Variants in STEAP1B observed in about 807,000 individuals in gnomAD.
STEAP1B encodes STEAP family member 1B, also known as STEAP family protein MGC87042.
In STEAP1B, 13 loss-of-function variants were observed where a neutral mutation model predicts 27.9. The ratio of observed to expected loss-of-function variants is 0.47; its 90% CI spans 0.30 to 0.74. The LOEUF is 0.74. Among genes scored for constraint, STEAP1B ranks in the 30% least tolerant of loss-of-function variants. The probability of loss-of-function intolerance (pLI) is 0.06; values close to 1 mark genes in which losing one functional copy is unlikely to be tolerated. For missense variants in STEAP1B, 250 were observed against 298.7 expected (o/e 0.84, Z 1.20); for synonymous variants, 86 against 107.1 (o/e 0.80, Z 1.22).
intron 4 of STEAP1B, among the ~76,000 whole-genome samples, chr7:22,462,437 T>C (rs28549826): frequency 0.016 from 2,025 of 126,186 alleles, 72 homozygotes; most frequent in African/African-American, 0.059. Context: ...TGTGTCCATG[T>C]GTTCTCATTG....
chr7:22,481,584 T>A (rs1423936174), intron 4 of STEAP1B, among the ~76,000 whole-genome samples: 1 of 152,210 alleles, frequency 6.6e-6, no homozygotes, highest in Non-Finnish European at 1.5e-5. Flanking sequence ...ACAAGATCCC[T>A]GCGTTGGTTT....
chr7:22,429,464 T>C (rs1239650455), intron 4 of STEAP1B, among the ~76,000 whole-genome samples: 1 of 152,196 alleles, frequency 6.6e-6, no homozygotes, highest in African/African-American at 2.4e-5. Context: ...CCACAGGTAA[T>C]AGGTTCCCCC....
At chr7:22,444,845 T>A (rs1199759198) in intron 4 of STEAP1B, among the ~76,000 whole-genome samples, 1 of 152,122 alleles carries the variant, frequency 6.6e-6, no homozygotes, top group Non-Finnish European at 1.5e-5. Flanking sequence ...GAAAAACCAA[T>A]CAGGTATTTC....
chr7:22,447,188 G>C (rs565618589), intron 4 of STEAP1B, among the ~76,000 whole-genome samples: 2 of 152,118 alleles, frequency 1.3e-5, no homozygotes, highest in Non-Finnish European at 2.9e-5. Flanking sequence ...GGACATCACT[G>C]ATGTCTCAGT....
In STEAP1B at chr7:22,495,727, C is replaced by T. The variant is rs190568644; in HGVS notation, c.-31-841G>A. On this transcript the variant is annotated intron_variant, in intron 1 of 4. Coordinates refer to ENST00000678116, the MANE Select transcript of STEAP1B (RefSeq NM_001382447.1). ...AACAATTTGATTGACAGAAAACATC[C>T]CAAGTGTTTCTGAATTTTAGACCAC... Among the ~76,000 whole-genome samples the T allele has an allele frequency of 6.5e-3, 981 of 151,762 alleles. 17 individuals carry two copies. Among genetic ancestry groups the T allele is most frequent in the Middle Eastern group, 6.8e-3 (2 of 294 alleles).
intron 4 of STEAP1B, among the ~76,000 whole-genome samples, chr7:22,465,193 G>A (rs1393109570): frequency 6.6e-6 from 1 of 151,692 alleles, no homozygotes; most frequent in African/African-American, 2.4e-5. Flanking sequence ...ATGAATTCAT[G>A]TCCAGAGCCG....
intron 4 of STEAP1B, among the ~76,000 whole-genome samples, chr7:22,434,654 T>C (rs1396969094): frequency 1.3e-5 from 2 of 152,220 alleles, no homozygotes; most frequent in Non-Finnish European, 2.9e-5. Flanking sequence ...GCCCTTTCTA[T>C]GCCAGACACA....
chr7:22,456,971 TA>T (rs1270864010), intron 4 of STEAP1B, among the ~76,000 whole-genome samples: 830 of 42,674 alleles, frequency 0.019, 65 homozygotes, highest in Admixed American at 0.076. Flanking sequence ...TATATATATA[TA>T]TTTTTTTTTT....
chr7:22,450,533 T>C (rs769975553), intron 4 of STEAP1B, among the ~76,000 whole-genome samples: 1 of 152,150 alleles, frequency 6.6e-6, no homozygotes, highest in Non-Finnish European at 1.5e-5. Flanking sequence ...CACTGGACTA[T>C]GTGTCTGTTT....
Position 22,489,536 on chromosome 7 carries a change from C to G in STEAP1B, c.762+3029G>C, listed in dbSNP as rs1786280994. ...GTTCACCTGAAGTCATCAGGGTGTG[C>G]CCCAAGCCCACAGGACTGGTTTCCT... is the stretch of plus-strand genomic sequence containing the variant. On this transcript the variant is annotated intron_variant, in intron 4 of 4. Transcript: ENST00000678116. Among the ~76,000 whole-genome samples, 3 of 152,268 alleles carry G rather than the reference C, an allele frequency of 2.0e-5. No individual in the cohort carries two copies. The South Asian group carries it at 6.2e-4, about 32-fold the overall frequency.
intron 4 of STEAP1B, among the ~76,000 whole-genome samples, chr7:22,483,654 A>G (rs1308856586): frequency 2.0e-5 from 3 of 152,146 alleles, no homozygotes; most frequent in Non-Finnish European, 2.9e-5. Context: ...GTGATCTGTC[A>G]TCAGTGATCT....
At chr7:22,488,251 C>T (rs963022776) in intron 4 of STEAP1B, among the ~76,000 whole-genome samples, 5 of 152,218 alleles carry the variant, frequency 3.3e-5, no homozygotes, top group African/African-American at 4.8e-5. Context: ...CCCTGCCCCA[C>T]CTATCCTTCC....
intron 4 of STEAP1B, among the ~76,000 whole-genome samples, chr7:22,454,866 T>TATATGTATATATATA (rs58504014): frequency 1.8e-4 from 10 of 57,128 alleles, no homozygotes; most frequent in African/African-American, 2.8e-4. Context: ...TATATATATA[T>TATATGTATATATATA]TTTTTTTTTT....
At chr7:22,481,586 C>A (rs910286655) in intron 4 of STEAP1B, among the ~76,000 whole-genome samples, 3 of 152,218 alleles carry the variant, frequency 2.0e-5, no homozygotes, top group Non-Finnish European at 2.9e-5. Context: ...AAGATCCCTG[C>A]GTTGGTTTGC....
intron 4 of STEAP1B, among the ~76,000 whole-genome samples, chr7:22,421,956 C>T (rs1230442956): frequency 6.6e-6 from 1 of 152,190 alleles, no homozygotes; most frequent in Non-Finnish European, 1.5e-5. Context: ...AGAATTATCA[C>T]AATTAACTTT....
intron 4 of STEAP1B, among the ~76,000 whole-genome samples, chr7:22,463,076 G>A (rs1310336617): frequency 1.3e-5 from 2 of 152,148 alleles, no homozygotes; most frequent in Admixed American, 1.3e-4. Flanking sequence ...TTTTGATGGG[G>A]TTGTTTGTTT....
intron 4 of STEAP1B, among the ~76,000 whole-genome samples, chr7:22,481,928 G>A (rs183025803): frequency 1.4e-4 from 21 of 152,322 alleles, no homozygotes; most frequent in African/African-American, 5.1e-4. Context: ...AAAGTCTGTT[G>A]GCACGTGTTT....
chr7:22,452,199 A>T, intron 4 of STEAP1B, among the ~76,000 whole-genome samples: 1 of 152,232 alleles, frequency 6.6e-6, no homozygotes. Flanking sequence ...AAGTAAGGAA[A>T]GACTCTGGAA....
intron 4 of STEAP1B, among the ~76,000 whole-genome samples, chr7:22,439,668 C>A (rs531255466): frequency 6.6e-6 from 1 of 152,144 alleles, no homozygotes; most frequent in Non-Finnish European, 1.5e-5. Context: ...AGTAACAGAC[C>A]AGAACTTGGA....
Sources: allele counts gnomAD v4.1 joint callset (sites outside exome capture counted in the v4.1 genomes callset), GRCh38; gene constraint gnomAD v4.1.1; transcripts MANE v1.5; gene names NCBI Gene and HGNC (gene_info 2026-07-23, HGNC 2026-07-21).